The following CSNK2A2 variants were observed in gnomAD, a reference collection of about 807,000 sequenced individuals.
The protein encoded by CSNK2A2 is casein kinase 2 alpha 2.
In CSNK2A2, 8 loss-of-function variants were observed where a neutral mutation model predicts 54.0. The ratio of observed to expected loss-of-function variants is 0.15; its 90% confidence interval spans 0.09 to 0.27. The LOEUF (loss-of-function observed/expected upper bound fraction) is 0.27, where lower values mean the gene tolerates loss of function less well. Among genes scored for constraint, CSNK2A2 ranks in the 10% least tolerant of loss-of-function variants. The pLI is 1.00. For missense variants in CSNK2A2, 242 were observed against 439.4 expected, an observed-to-expected ratio of 0.55 and a Z score of 4.02; for synonymous variants, 141 against 153.9, an observed-to-expected ratio of 0.92 and a Z score of 0.62.
At chr16:58,169,420 T>C (rs1276043185) in intron 5 of CSNK2A2, among the ~76,000 whole-genome samples, 3 of 151,966 alleles carry the variant, frequency 2.0e-5, no homozygotes, top group Non-Finnish European at 4.4e-5. Flanking sequence ...TCCCAGCCAC[T>C]CGACTGGGCT....
chr16:58,188,969 T>G (rs1962261025), intron 2 of CSNK2A2, among the ~76,000 whole-genome samples: 1 of 149,788 alleles, frequency 6.7e-6, no homozygotes, highest in Non-Finnish European at 1.5e-5. Context: ...TTTTTTTTTT[T>G]TTTTTGAGAC....
At chr16:58,176,514 C>G (rs1345507980) in intron 4 of CSNK2A2, among the ~76,000 whole-genome samples, 3 of 152,242 alleles carry the variant, frequency 2.0e-5, no homozygotes, top group African/African-American at 7.2e-5. Flanking sequence ...CAAACTACAT[C>G]TGTAACATTT....
At chr16:58,181,257 A>G (rs972630547) in intron 4 of CSNK2A2, among the ~76,000 whole-genome samples, 1 of 152,256 alleles carries the variant, frequency 6.6e-6, no homozygotes, top group Admixed American at 6.5e-5. Context: ...AAACAGCTTC[A>G]AACTGAACAA....
intron 5 of CSNK2A2, among the ~76,000 whole-genome samples, chr16:58,171,979 A>ATATATATTTT (rs1261137669): frequency 1.5e-5 from 1 of 66,184 alleles, no homozygotes; most frequent in Non-Finnish European, 2.5e-5. Flanking sequence ...ATATATATAT[A>ATATATATTTT]TTTTTTTTTT....
At chr16:58,196,483 G>A (rs531883525) in intron 2 of CSNK2A2, among the ~76,000 whole-genome samples, 2 of 152,222 alleles carry the variant, frequency 1.3e-5, no homozygotes, top group Admixed American at 6.5e-5. Context: ...ATAGCTGGGC[G>A]TGGTGGCATG....
intron 3 of CSNK2A2, 66 bp downstream of exon 3, chr16:58,186,689 T>C: frequency 9.0e-7 from 1 of 1,108,198 alleles, no homozygotes; most frequent in South Asian, 1.3e-5. Context: ...AGGTTCTGTG[T>C]GTTAAACAAC....
At chr16:58,188,493 CAG>C (rs539898055) in intron 2 of CSNK2A2, among the ~76,000 whole-genome samples, 3 of 152,176 alleles carry the variant, frequency 2.0e-5, no homozygotes, top group Non-Finnish European at 4.4e-5. Context: ...CAAACTGATC[CAG>C]ACTTTTAAAA....
At chr16:58,184,353 A>T in intron 3 of CSNK2A2, 43 bp from the exon 4 acceptor site, 2 of 1,412,942 alleles carry the variant, frequency 1.4e-6, no homozygotes, top group Non-Finnish European at 2.0e-6. Context: ...CCCAAACAAT[A>T]ATCAATGTAA....
chr16:58,164,247 T>A, intron 10 of CSNK2A2, 100 bp from the exon 11 acceptor site: 1 of 1,072,068 alleles, frequency 9.3e-7, no homozygotes, highest in Non-Finnish European at 1.4e-6. Context: ...GACAGACTGA[T>A]GGGCAAGCCA....
At chr16:58,185,753 G>A (rs1011511546) in intron 3 of CSNK2A2, among the ~76,000 whole-genome samples, 4 of 152,178 alleles carry the variant, frequency 2.6e-5, no homozygotes, top group Non-Finnish European at 5.9e-5. Flanking sequence ...GGTCCAGAAG[G>A]AAAAACTTTC....
chr16:58,160,061 T>A (rs1035584838), intron 11 of CSNK2A2: 1 of 152,178 alleles, frequency 6.6e-6, no homozygotes, highest in Non-Finnish European at 1.5e-5. Context: ...TTGGGGGTGT[T>A]TTCATTTATA....
chr16:58,171,097 C>T (rs923703863), intron 5 of CSNK2A2, among the ~76,000 whole-genome samples: 1 of 152,110 alleles, frequency 6.6e-6, no homozygotes, highest in Admixed American at 6.5e-5. Flanking sequence ...ATAAACTAGA[C>T]TCTTGAGGAC....
intron 2 of CSNK2A2, chr16:58,192,618 C>T (rs866020978): frequency 6.6e-6 from 1 of 152,198 alleles, no homozygotes. Flanking sequence ...TAGCAACTTA[C>T]CAAAGTCAAA....
In CSNK2A2 at chr16:58,186,805, G is replaced by A. The variant is rs1431525244; in HGVS notation, c.268C>T (p.Arg90Cys). Residue 90 changes from arginine (R) to cysteine (C), a missense_variant, in exon 3 of 12, where the codon CGT becomes TGT. By Grantham distance (180) the Arg-to-Cys change is radical. This residue lies in a region of CSNK2A2 where 69 missense variants were observed against 97.0 expected (regional missense o/e 0.71). Transcript: ENST00000262506. The stretch of plus-strand genomic sequence containing the variant: ...AGCTTAATGATATTTGTTCCACCAC[G>A]AAGGTTCTCCAGAATCTTAACCTCT... Reference protein sequence around the residue: ...KREVKILENLRGGTNIIKLID... With the variant: ...KREVKILENLCGGTNIIKLID... The A allele has an allele frequency of 1.2e-6, 2 of 1,613,970 alleles. No homozygotes were observed. Among genetic ancestry groups the A allele is most frequent in the South Asian group, 1.1e-5 (1 of 91,078 alleles).
chr16:58,182,258 C>T (rs929705433), intron 4 of CSNK2A2, among the ~76,000 whole-genome samples: 3 of 150,698 alleles, frequency 2.0e-5, no homozygotes, highest in Admixed American at 6.6e-5. Flanking sequence ...GGGCTAGGTG[C>T]GGTGGCTCAC....
At chr16:58,171,979 A>AT (rs746200172) in intron 5 of CSNK2A2, among the ~76,000 whole-genome samples, 3 of 66,184 alleles carry the variant, frequency 4.5e-5, no homozygotes, top group African/African-American at 2.5e-4. Context: ...ATATATATAT[A>AT]TTTTTTTTTT....
At chr16:58,171,620 A>T (rs1222840645) in intron 5 of CSNK2A2, among the ~76,000 whole-genome samples, 1 of 152,018 alleles carries the variant, frequency 6.6e-6, no homozygotes, top group Non-Finnish European at 1.5e-5. Flanking sequence ...AGAACACAAG[A>T]GAGCCCTGCA....
At chr16:58,186,969 G>GC in intron 2 of CSNK2A2, 113 bp from the exon 3 acceptor site, 1 of 752,632 alleles carries the variant, frequency 1.3e-6, no homozygotes, top group South Asian at 2.0e-5. Context: ...ACACTCTGTT[G>GC]TGTTCAAGAG....
At chr16:58,170,515 T>C (rs1481150375) in intron 5 of CSNK2A2, among the ~76,000 whole-genome samples, 1 of 152,040 alleles carries the variant, frequency 6.6e-6, no homozygotes, top group East Asian at 1.9e-4. Context: ...AAGTGCTGGG[T>C]TGTATGCTAA....
Sources: allele counts gnomAD v4.1 joint callset (sites outside exome capture counted in the v4.1 genomes callset), GRCh38; gene constraint gnomAD v4.1.1; regional missense constraint gnomAD v4.1.1; transcripts MANE v1.5; gene names NCBI Gene and HGNC (gene_info 2026-07-23, HGNC 2026-07-21).